The following RBM34 variants were observed in gnomAD, a reference collection of about 807,000 sequenced individuals.
RBM34 encodes the protein RNA binding motif protein 34.
Under a neutral mutation model 44.6 loss-of-function variants are expected in RBM34, and 39 were observed. The observed-to-expected ratio is 0.87, with a 90% CI of 0.68 to 1.14. The LOEUF (loss-of-function observed/expected upper bound fraction) is 1.14. RBM34 is among the 50% of genes most tolerant of loss of function. The probability of loss-of-function intolerance (pLI) is 0.00; values close to 1 mark genes in which losing one functional copy is unlikely to be tolerated. For synonymous variants in RBM34, 194 were observed against 184.0 expected (o/e 1.05, Z -0.44); for missense variants, 572 against 517.9 (o/e 1.10, Z -1.01).
At chr1:235,147,317 T>C (rs1036641968) in intron 6 of RBM34, among the ~76,000 whole-genome samples, 9 of 152,164 alleles carry the variant, frequency 5.9e-5, no homozygotes, top group African/African-American at 2.2e-4. Context: ...AAAATTCCAA[T>C]TTTCTAACAT....
chr1:235,142,989 C>T (rs1661750915), intron 6 of RBM34, among the ~76,000 whole-genome samples: 1 of 147,736 alleles, frequency 6.8e-6, no homozygotes, highest in African/African-American at 2.5e-5. Context: ...AGCAAAATAT[C>T]TGAAACACAC....
rs201921614 is a variant in RBM34, at chr1:235,160,641, T to C, written c.235A>G (p.Ile79Val). ...TCCTCATTCCGTTTCGTTTTTTTGA[T>C]GGTTTGCTTTTTAAAAGTTTGAAGT... Reference protein sequence around the residue: ...PVYVPVPKQTIKKTKRNEEEE... With the variant: ...PVYVPVPKQTVKKTKRNEEEE... Residue 79 changes from isoleucine to valine, a missense_variant, in exon 3 of 11, where the codon ATC becomes GTC. By Grantham distance (29) the Ile-to-Val change is conservative. Transcript: ENST00000408888. 2.0e-4 allele frequency: 326 copies of C among 1,610,358 alleles called. 1 individual carries two copies. In the African/African-American group the frequency reaches 3.7e-3, roughly 18 times the overall value.
intron 6 of RBM34, among the ~76,000 whole-genome samples, chr1:235,140,215 C>T (rs534056178): frequency 6.6e-6 from 1 of 152,342 alleles, no homozygotes; most frequent in East Asian, 1.9e-4. Flanking sequence ...CCCACCGCTG[C>T]GCTGTGGGAG....
intron 10 of RBM34, among the ~76,000 whole-genome samples, chr1:235,134,696 G>C (rs892321704): frequency 2.6e-5 from 4 of 151,448 alleles, no homozygotes; most frequent in Non-Finnish European, 5.9e-5. Context: ...GATAGGTGCA[G>C]TTGTAGCAAT....
At position 235,135,961 on chromosome 1, in the gene RBM34, A is replaced by T. The variant is rs931406661; in HGVS notation, c.889+73T>A. Reference sequence around the variant, plus strand: ...AAATTAGTCTTAAATCAAAACATTAAGTTACTACTCAGTTCTTATTTCCTT... The same window carrying T: ...AAATTAGTCTTAAATCAAAACATTATGTTACTACTCAGTTCTTATTTCCTT... On this transcript the variant is annotated intron_variant, in intron 9 of 10. Coordinates refer to ENST00000408888, the MANE Select transcript of RBM34 (RefSeq NM_015014.4). 3.7e-6 allele frequency: 5 copies of T among 1,344,274 alleles called. No individual in the cohort carries two copies. The African/African-American group carries it at 7.4e-5, about 20-fold the overall frequency. 83.3% of individuals were successfully genotyped at this position (1,344,274 alleles called of 1,614,324 possible).
At chr1:235,155,864 T>TATATAC (rs1553275378) in intron 3 of RBM34, among the ~76,000 whole-genome samples, 15 of 81,112 alleles carry the variant, frequency 1.8e-4, no homozygotes, top group African/African-American at 9.8e-4. Context: ...TATATATATA[T>TATATAC]ATACATATAT....
intron 6 of RBM34, among the ~76,000 whole-genome samples, chr1:235,145,641 T>C (rs950061093): frequency 6.6e-6 from 1 of 152,160 alleles, no homozygotes; most frequent in Non-Finnish European, 1.5e-5. Flanking sequence ...CATAAATAGG[T>C]TGCAATCTCT....
intron 5 of RBM34, among the ~76,000 whole-genome samples, chr1:235,151,011 T>G (rs1558146116): frequency 6.6e-6 from 1 of 152,074 alleles, no homozygotes; most frequent in Non-Finnish European, 1.5e-5. Flanking sequence ...AAGAAGAGCT[T>G]CAGGAAGACT....
intron 10 of RBM34, 54 bp from the exon 11 acceptor site, chr1:235,132,051 A>C: frequency 6.8e-7 from 1 of 1,466,294 alleles, no homozygotes; most frequent in East Asian, 2.3e-5. Flanking sequence ...TCTGCAAAGA[A>C]ACTAGTGAAA....
chr1:235,133,932 G>A (rs957409706), intron 10 of RBM34, among the ~76,000 whole-genome samples: 1 of 152,152 alleles, frequency 6.6e-6, no homozygotes, highest in African/African-American at 2.4e-5. Context: ...GTGCAATCAT[G>A]GCTCACTACA....
At chr1:235,133,283 G>C (rs1403775466) in intron 10 of RBM34, among the ~76,000 whole-genome samples, 1 of 152,212 alleles carries the variant, frequency 6.6e-6, no homozygotes, top group Non-Finnish European at 1.5e-5. Context: ...AGAGGCTGCA[G>C]TGAGCTGAGA....
chr1:235,148,344 CT>C (rs35436037), intron 6 of RBM34, 59 bp downstream of exon 6: 1 of 1,353,484 alleles, frequency 7.4e-7, no homozygotes, highest in South Asian at 1.3e-5. Context: ...AATGGTCTCA[CT>C]TTTTAGCCAA....
At chr1:235,157,439 C>T (rs115526920) in intron 3 of RBM34, among the ~76,000 whole-genome samples, 2,070 of 152,272 alleles carry the variant, frequency 0.014, 55 homozygotes, top group African/African-American at 0.047. Flanking sequence ...CTAGTGGTAG[C>T]GCTCATGCCA....
At position 235,141,612 on chromosome 1, in the gene RBM34, ACT is replaced by A. The variant is rs1661685513; in HGVS notation, c.702-3440_702-3439del. On this transcript the variant is annotated intron_variant, in intron 6 of 10. Coordinates refer to ENST00000408888, the MANE Select transcript of RBM34 (RefSeq NM_015014.4). Reference sequence around the variant, plus strand: ...CACACTGTGGAAGCTTTGTCCTTTCACTCTTTGCAATAAATCTTGCTACTGCT... The same window carrying A: ...CACACTGTGGAAGCTTTGTCCTTTCACTTTGCAATAAATCTTGCTACTGCT... 2.6e-5 allele frequency among the ~76,000 whole-genome samples: 4 copies of A among 151,678 alleles called. No homozygotes were observed. In the South Asian group the frequency reaches 8.3e-4, roughly 32 times the overall value.
chr1:235,140,860 G>A (rs1365240356), intron 6 of RBM34, among the ~76,000 whole-genome samples: 3 of 152,128 alleles, frequency 2.0e-5, no homozygotes, highest in South Asian at 2.1e-4. Flanking sequence ...TGCACCAATC[G>A]ACACTCTATA....
At chr1:235,140,905 A>G (rs1214098047) in intron 6 of RBM34, among the ~76,000 whole-genome samples, 1 of 151,940 alleles carries the variant, frequency 6.6e-6, no homozygotes, top group Non-Finnish European at 1.5e-5. Context: ...GAGAACTTTT[A>G]TGTCTAGCTC....
At chr1:235,153,880 A>G (rs535872417) in intron 4 of RBM34, among the ~76,000 whole-genome samples, 1 of 152,334 alleles carries the variant, frequency 6.6e-6, no homozygotes, top group South Asian at 2.1e-4. Flanking sequence ...CACACAACGG[A>G]AGAAACTCAG....
At chr1:235,158,109 T>C (rs777425334) in intron 3 of RBM34, among the ~76,000 whole-genome samples, 3 of 151,842 alleles carry the variant, frequency 2.0e-5, no homozygotes, top group Non-Finnish European at 4.4e-5. Context: ...TGAGCACGTC[T>C]ATATTAGCAG....
At chr1:235,132,198 G>C (rs1158420691) in intron 10 of RBM34, among the ~76,000 whole-genome samples, 1 of 151,738 alleles carries the variant, frequency 6.6e-6, no homozygotes, top group Non-Finnish European at 1.5e-5. Flanking sequence ...AAGCACTCAA[G>C]CTGCCTTGTG....
Sources: gnomAD v4.1 joint callset for allele counts (sites outside exome capture counted in the v4.1 genomes callset) on GRCh38, gnomAD v4.1.1 for gene constraint, MANE v1.5 for transcripts, NCBI Gene and HGNC (gene_info 2026-07-23, HGNC 2026-07-21) for gene names.